The following SENP1 variants were observed in gnomAD, a reference collection of about 807,000 sequenced individuals.
SENP1 encodes the protein sentrin-specific protease 1.
SENP1 carries 21 observed loss-of-function variants against 93.0 expected under a neutral mutation model. The observed-to-expected ratio is 0.23, with a 90% confidence interval of 0.16 to 0.33. The LOEUF (loss-of-function observed/expected upper bound fraction) is 0.33. Ranked by LOEUF, SENP1 falls within the 10% of genes least tolerant of loss-of-function variation. The pLI is 1.00. For synonymous variants in SENP1, 256 were observed against 259.6 expected (o/e 0.99, Z 0.13); for missense variants, 591 against 758.7 (o/e 0.78, Z 2.60).
intron 8 of SENP1, among the ~76,000 whole-genome samples, chr12:48,074,099 A>C (rs1943899939): frequency 6.6e-6 from 1 of 152,184 alleles, no homozygotes; most frequent in African/African-American, 2.4e-5. Context: ...CAATTTGAGC[A>C]TCCCAAATCC....
intron 13 of SENP1, among the ~76,000 whole-genome samples, chr12:48,049,791 C>T (rs1436893148): frequency 6.6e-6 from 1 of 152,158 alleles, no homozygotes; most frequent in African/African-American, 2.4e-5. Context: ...AGCAATGTCA[C>T]CTTTATATAA....
chr12:48,094,120 A>C (rs111284465), intron 4 of SENP1, among the ~76,000 whole-genome samples: 9 of 152,324 alleles, frequency 5.9e-5, no homozygotes, highest in African/African-American at 2.2e-4. Flanking sequence ...CACACCTGTA[A>C]TCTCAGCACC....
At chr12:48,097,929 A>G (rs1026562582) in intron 3 of SENP1, 65 bp downstream of exon 3, 28 of 1,460,782 alleles carry the variant, frequency 1.9e-5, no homozygotes, top group Non-Finnish European at 2.5e-5. Flanking sequence ...TTTAAACTAC[A>G]TAAGATGAAA....
At chr12:48,098,775 G>A (rs563970302) in intron 2 of SENP1, among the ~76,000 whole-genome samples, 3 of 152,042 alleles carry the variant, frequency 2.0e-5, no homozygotes, top group African/African-American at 7.2e-5. Context: ...TCACACCACT[G>A]CACTCCAGCC....
rs534854585 is a variant in SENP1, at chr12:48,044,038, G to A, written c.*1284C>T. ...TGATCACTTCACTATCTAAGCCTGA[G>A]GAGCTCTCAGAGGGTGGGGAGAGAT... On this transcript the variant is annotated 3_prime_UTR_variant, in exon 18 of 18. Coordinates refer to ENST00000549518, the MANE Select transcript of SENP1 (RefSeq NM_001267594.2). 1 of 152,396 alleles carries A rather than the reference G, an allele frequency of 6.6e-6. No individual in the cohort carries two copies. 9.4% of individuals were successfully genotyped at this position (152,396 alleles called of 1,614,324 possible).
intron 6 of SENP1, among the ~76,000 whole-genome samples, chr12:48,080,703 A>T (rs1944435556): frequency 1.3e-5 from 2 of 152,218 alleles, no homozygotes; most frequent in Non-Finnish European, 2.9e-5. Context: ...CATCTAAATA[A>T]ATTTGTTGAA....
At position 48,106,032 on chromosome 12, in the gene SENP1, C is replaced by G. The variant is rs977613414; in HGVS notation, c.-49G>C. 9 of 701,664 alleles carry G rather than the reference C, an allele frequency of 1.3e-5. No individual in the cohort carries two copies. Among genetic ancestry groups the G allele is most frequent in the Non-Finnish European group, 2.3e-5 (9 of 384,766 alleles). The allele number at this position is 701,664 out of a possible 1,614,324, so 43.5% of individuals were successfully genotyped here. On this transcript the variant is annotated 5_prime_UTR_variant, in exon 1 of 18. Coordinates refer to ENST00000549518, the MANE Select transcript of SENP1 (RefSeq NM_001267594.2). Reference sequence around the variant, plus strand: ...CAGCTTCCCGCCGCCACTCACCGAACCGGAACCGGCTGCCATGCGAAGGGG... The same window carrying G: ...CAGCTTCCCGCCGCCACTCACCGAAGCGGAACCGGCTGCCATGCGAAGGGG...
intron 16 of SENP1, 84 bp from the exon 17 acceptor site, chr12:48,046,535 T>C (rs937317541): frequency 7.2e-6 from 7 of 972,040 alleles, no homozygotes; most frequent in Non-Finnish European, 1.2e-5. Context: ...AAGATATAAA[T>C]TGTACAGGTT....
At position 48,101,462 on chromosome 12, in the gene SENP1, G is replaced by A; in HGVS notation, c.4+7C>T. ...GCTAAAAGGATTCAACAGCTAGTTAGTCTTACCCATTTCAAGTCTTTTCAC... is the reference window on the plus strand; with the variant it reads ...GCTAAAAGGATTCAACAGCTAGTTAATCTTACCCATTTCAAGTCTTTTCAC... On this transcript the variant is annotated splice_region_variant and intron_variant, in intron 2 of 17. Transcript: ENST00000549518. The A allele has an allele frequency of 6.2e-7, 1 of 1,600,336 alleles. No homozygotes were observed. Among genetic ancestry groups the A allele is most frequent in the Non-Finnish European group, 8.5e-7 (1 of 1,173,636 alleles).
At chr12:48,070,357 T>A (rs550353260) in intron 9 of SENP1, among the ~76,000 whole-genome samples, 18 of 152,234 alleles carry the variant, frequency 1.2e-4, no homozygotes, top group African/African-American at 4.3e-4. Flanking sequence ...ACAAATAGTA[T>A]CCTCCCAATC....
intron 6 of SENP1, among the ~76,000 whole-genome samples, chr12:48,075,980 G>A (rs958274648): frequency 1.3e-5 from 2 of 152,148 alleles, no homozygotes; most frequent in African/African-American, 2.4e-5. Context: ...TGCTTAATGC[G>A]TTCCAAAAAT....
intron 14 of SENP1, among the ~76,000 whole-genome samples, chr12:48,048,711 T>C (rs1941561110): frequency 6.6e-6 from 1 of 152,160 alleles, no homozygotes; most frequent in Non-Finnish European, 1.5e-5. Context: ...AACTCTCTTT[T>C]AAATATTTCT....
chr12:48,049,222 T>C (rs1941605201), intron 13 of SENP1, 90 bp from the exon 14 acceptor site: 4 of 918,390 alleles, frequency 4.4e-6, no homozygotes, highest in South Asian at 3.1e-5. Context: ...GCATATGTAA[T>C]TGTTTCCTAA....
intron 4 of SENP1, chr12:48,089,440 C>CAA: frequency 1.2e-6 from 1 of 854,088 alleles, no homozygotes; most frequent in South Asian, 1.7e-5. Flanking sequence ...GGTACTCTCT[C>CAA]AAAGAGCAGA....
At chr12:48,066,227 A>T (rs1293282203) in intron 10 of SENP1, among the ~76,000 whole-genome samples, 1 of 152,198 alleles carries the variant, frequency 6.6e-6, no homozygotes, top group African/African-American at 2.4e-5. Context: ...ATAGATTTTT[A>T]AAAAATTACC....
At chr12:48,089,570 C>A (rs1264288447) in intron 4 of SENP1, among the ~76,000 whole-genome samples, 1 of 152,120 alleles carries the variant, frequency 6.6e-6, no homozygotes, top group Non-Finnish European at 1.5e-5. Context: ...TATTATTACT[C>A]CAATGTTTGC....
chr12:48,098,182 A>G lies in SENP1; in HGVS notation c.5-58T>C, dbSNP rs1020797602. On this transcript the variant is annotated intron_variant, in intron 2 of 17. Transcript: ENST00000549518. ...ATAATTCTTCAATAACGTTTTTCCT[A>G]TGAACCAATCTTTTCACCTAATAAA... 8 of 1,548,804 alleles carry G rather than the reference A, an allele frequency of 5.2e-6. No homozygotes were observed. The Admixed American group carries it at 1.4e-4, about 28-fold the overall frequency.
At chr12:48,045,772 A>C (rs1243075566) in intron 17 of SENP1, among the ~76,000 whole-genome samples, 1 of 152,222 alleles carries the variant, frequency 6.6e-6, no homozygotes, top group Non-Finnish European at 1.5e-5. Context: ...AGGCTGGTCT[A>C]GACAAAGGGC....
Position 48,046,992 on chromosome 12 carries a change from T to G in SENP1, c.1762A>C (p.Ser588Arg). 1.9e-6 allele frequency: 3 copies of G among 1,610,442 alleles called. No homozygotes were observed. Among genetic ancestry groups the G allele is most frequent in the Non-Finnish European group, 2.5e-6 (3 of 1,176,956 alleles). ...ATGAAAGGTACCTGGCTTTTCTTGCTGAAAAGCTGCCAGCCATTGGTGTCA... is the reference window on the plus strand; with the variant it reads ...ATGAAAGGTACCTGGCTTTTCTTGCGGAAAAGCTGCCAGCCATTGGTGTCA... Reference protein sequence around the residue: ...EFDTNGWQLFSKKSQEIPQQM... With the variant: ...EFDTNGWQLFRKKSQEIPQQM... The change falls in exon 16 of 18, where the codon AGC becomes CGC. Residue 588 changes from serine (S) to arginine (R), a missense_variant. Ser to Arg is a moderately radical substitution (Grantham distance 110). Coordinates refer to ENST00000549518, the MANE Select transcript of SENP1 (RefSeq NM_001267594.2).
Sources: gnomAD v4.1 joint callset for allele counts (sites outside exome capture counted in the v4.1 genomes callset) on GRCh38, gnomAD v4.1.1 for gene constraint, MANE v1.5 for transcripts, NCBI Gene and HGNC (gene_info 2026-07-23, HGNC 2026-07-21) for gene names.